Variants in RALYL observed in about 807,000 individuals in gnomAD.
The protein encoded by RALYL is RNA-binding Raly-like protein.
Under a neutral mutation model 35.1 loss-of-function variants are expected in RALYL, and 29 were observed. That is an observed-to-expected ratio of 0.83 (90% CI 0.61 to 1.13). RALYL has a LOEUF of 1.13. Ranked by LOEUF, RALYL falls within the 50% of genes most tolerant of loss-of-function variation. The pLI is 0.00. For missense variants in RALYL, 359 were observed against 360.4 expected (o/e 1.00, Z 0.03); for synonymous variants, 120 against 127.6 (o/e 0.94, Z 0.40).
chr8:84,405,063 C>T (rs2043322866), intron 1 of RALYL, among the ~76,000 whole-genome samples: 1 of 152,160 alleles, frequency 6.6e-6, no homozygotes, highest in Non-Finnish European at 1.5e-5. Flanking sequence ...AAGAAACTCA[C>T]TGAAAACCAC....
In RALYL at chr8:84,722,615, TTTTATA is replaced by T. The variant is rs1211219252; in HGVS notation, c.257-51962_257-51957del. 4.3e-3 allele frequency among the ~76,000 whole-genome samples: 281 copies of T among 65,646 alleles called. 9 individuals carry two copies. Among genetic ancestry groups the T allele is most frequent in the African/African-American group, 0.025 (269 of 10,628 alleles). The allele number at this position is 65,646 out of a possible 152,430, so 43.1% of individuals were successfully genotyped here. On this transcript the variant is annotated intron_variant, in intron 2 of 8. Coordinates refer to ENST00000521268, the MANE Select transcript of RALYL (RefSeq NM_173848.7). ...CAAGGTCAGTATATTCCTAGAGTGATTTTATATATATATATATATATATATATATAT... is the reference window on the plus strand; with the variant it reads ...CAAGGTCAGTATATTCCTAGAGTGATTATATATATATATATATATATATAT...
intron 1 of RALYL, among the ~76,000 whole-genome samples, chr8:84,369,854 AC>A (rs1855325147): frequency 6.6e-6 from 1 of 152,166 alleles, no homozygotes; most frequent in Admixed American, 6.6e-5. Flanking sequence ...CCCAAAGAAA[AC>A]TATTTAGGCA....
chr8:84,844,998 T>C (rs1381181674), intron 4 of RALYL, among the ~76,000 whole-genome samples: 1 of 151,936 alleles, frequency 6.6e-6, no homozygotes, highest in East Asian at 1.9e-4. Context: ...GGGATACCAT[T>C]AGGAGATATA....
At chr8:84,546,089 C>A (rs986997012) in intron 2 of RALYL, among the ~76,000 whole-genome samples, 6 of 151,748 alleles carry the variant, frequency 4.0e-5, no homozygotes, top group African/African-American at 1.5e-4. Context: ...AGTGGCAGGG[C>A]GGGATGAGAC....
At chr8:84,578,858 G>C (rs1043194941) in intron 2 of RALYL, among the ~76,000 whole-genome samples, 1 of 152,204 alleles carries the variant, frequency 6.6e-6, no homozygotes, top group Non-Finnish European at 1.5e-5. Context: ...AAGGGAGGAA[G>C]TGCATGCTGA....
intron 2 of RALYL, among the ~76,000 whole-genome samples, chr8:84,690,644 T>C (rs1837844516): frequency 6.6e-6 from 1 of 152,044 alleles, no homozygotes; most frequent in Non-Finnish European, 1.5e-5. Context: ...TATACTTCAA[T>C]AAAGCTAGAA....
At chr8:84,344,030 T>C (rs1471852304) in intron 1 of RALYL, among the ~76,000 whole-genome samples, 1 of 152,118 alleles carries the variant, frequency 6.6e-6, no homozygotes. Context: ...AATTTCATAT[T>C]AAAATGCCTA....
chr8:84,672,068 C>T (rs1024149876), intron 2 of RALYL, among the ~76,000 whole-genome samples: 1 of 152,138 alleles, frequency 6.6e-6, no homozygotes, highest in African/African-American at 2.4e-5. Flanking sequence ...AAAGAGCACC[C>T]AAGTCACATC....
chr8:84,373,238 C>A (rs891802121), intron 1 of RALYL, among the ~76,000 whole-genome samples: 1 of 151,408 alleles, frequency 6.6e-6, no homozygotes, highest in Non-Finnish European at 1.5e-5. Context: ...GCTCTTTAGT[C>A]AATTTTTGCT....
At chr8:84,200,944 C>A (rs1391654341) in intron 1 of RALYL, among the ~76,000 whole-genome samples, 1 of 152,084 alleles carries the variant, frequency 6.6e-6, no homozygotes, top group Admixed American at 6.5e-5. Context: ...AGTTATCCAA[C>A]AAATATTTCA....
chr8:84,441,927 A>G (rs1470578158), intron 1 of RALYL, among the ~76,000 whole-genome samples: 1 of 152,130 alleles, frequency 6.6e-6, no homozygotes, highest in Non-Finnish European at 1.5e-5. Flanking sequence ...AATTTATACA[A>G]TGCTTTGCCC....
chr8:84,663,053 A>C (rs1049904859), intron 2 of RALYL, among the ~76,000 whole-genome samples: 1 of 152,076 alleles, frequency 6.6e-6, no homozygotes, highest in Non-Finnish European at 1.5e-5. Context: ...TTCATTGTAC[A>C]GCTCCCACTA....
At chr8:84,522,410 C>T (rs1408123167) in intron 1 of RALYL, among the ~76,000 whole-genome samples, 7 of 151,844 alleles carry the variant, frequency 4.6e-5, no homozygotes, top group Admixed American at 1.3e-4. Context: ...CCACTACGCC[C>T]GGCTAATTTT....
At chr8:84,219,822 C>G (rs1821744248) in intron 1 of RALYL, among the ~76,000 whole-genome samples, 1 of 151,948 alleles carries the variant, frequency 6.6e-6, no homozygotes, top group African/African-American at 2.4e-5. Context: ...CAGAAAATTA[C>G]TGCTTTTCCC....
intron 2 of RALYL, among the ~76,000 whole-genome samples, chr8:84,664,969 A>C (rs1222217126): frequency 6.6e-6 from 1 of 152,124 alleles, no homozygotes; most frequent in Admixed American, 6.6e-5. Context: ...GGTTTGTCAT[A>C]TATGACTCTT....
chr8:84,455,049 C>T (rs1018373847), intron 1 of RALYL, among the ~76,000 whole-genome samples: 1 of 151,880 alleles, frequency 6.6e-6, no homozygotes. Flanking sequence ...ATATAAAATT[C>T]TTTGCCATGC....
At chr8:84,612,629 T>C (rs930677979) in intron 2 of RALYL, among the ~76,000 whole-genome samples, 4 of 151,852 alleles carry the variant, frequency 2.6e-5, no homozygotes, top group African/African-American at 9.7e-5. Flanking sequence ...GATTCTTTTA[T>C]GTGAGATATG....
intron 1 of RALYL, among the ~76,000 whole-genome samples, chr8:84,347,300 G>T (rs537255306): frequency 1.9e-4 from 29 of 151,874 alleles, no homozygotes; most frequent in Admixed American, 1.8e-3. Context: ...TCTTTACTTT[G>T]CTGTCCTTTT....
chr8:84,895,127 G>A (rs1481666955), intron 8 of RALYL, among the ~76,000 whole-genome samples: 2 of 152,094 alleles, frequency 1.3e-5, no homozygotes, highest in African/African-American at 4.8e-5. Context: ...TTTGAATTTT[G>A]TTTGATTTTC....
Sources: allele counts gnomAD v4.1 joint callset (sites outside exome capture counted in the v4.1 genomes callset), GRCh38; gene constraint gnomAD v4.1.1; transcripts MANE v1.5; gene names NCBI Gene and HGNC (gene_info 2026-07-23, HGNC 2026-07-21).